The following ARFGEF3 variants were observed in gnomAD, a reference collection of about 807,000 sequenced individuals.
ARFGEF3 encodes ARFGEF family member 3.
A neutral mutation model predicts 221.7 loss-of-function variants in ARFGEF3; 96 were observed. The ratio of observed to expected loss-of-function variants is 0.43; its 90% confidence interval spans 0.37 to 0.51. ARFGEF3 has a LOEUF of 0.51. Ranked by LOEUF, ARFGEF3 falls within the 20% of genes least tolerant of loss-of-function variation. ARFGEF3 has a pLI of 0.00. For synonymous variants in ARFGEF3, 1,145 were observed against 1,126.8 expected (o/e 1.02, Z -0.32); for missense variants, 2,410 against 2,789.9 (o/e 0.86, Z 3.07).
At chr6:138,292,973 A>G (rs1779440039) in intron 19 of ARFGEF3, among the ~76,000 whole-genome samples, 1 of 152,262 alleles carries the variant, frequency 6.6e-6, no homozygotes, top group Non-Finnish European at 1.5e-5. Flanking sequence ...AATGGTCAAT[A>G]GGACCCAGAA....
At chr6:138,269,175 C>T (rs138541619) in intron 12 of ARFGEF3, among the ~76,000 whole-genome samples, 154 of 152,354 alleles carry the variant, frequency 1.0e-3, no homozygotes, top group African/African-American at 3.5e-3. Flanking sequence ...TACTACCAGG[C>T]GGTGGGCAGC....
chr6:138,179,174 C>G (rs1162618545), intron 2 of ARFGEF3, among the ~76,000 whole-genome samples: 1 of 152,228 alleles, frequency 6.6e-6, no homozygotes, highest in African/African-American at 2.4e-5. Flanking sequence ...CACTCCTATC[C>G]TGTCCCAATT....
intron 33 of ARFGEF3, 125 bp from the exon 34 acceptor site, chr6:138,336,170 T>A: frequency 6.0e-6 from 4 of 661,158 alleles, no homozygotes; most frequent in Non-Finnish European, 7.3e-6. Flanking sequence ...ATTAAATGAG[T>A]GAAAACTAAT....
chr6:138,272,142 C>CATTTGTTTATTTATTT (rs1779013974), intron 12 of ARFGEF3, among the ~76,000 whole-genome samples: 2 of 148,758 alleles, frequency 1.3e-5, no homozygotes, highest in African/African-American at 5.0e-5. Flanking sequence ...TAGCAGATGC[C>CATTTGTTTATTTATTT]ATTTATTTAT....
At chr6:138,287,323 T>C (rs1779316641) in intron 17 of ARFGEF3, 139 bp downstream of exon 17, 2 of 649,790 alleles carry the variant, frequency 3.1e-6, no homozygotes, top group East Asian at 2.8e-5. Flanking sequence ...GATCACGAGA[T>C]CCCATTGAGC....
chr6:138,248,272 A>G (rs1166708678), intron 8 of ARFGEF3, among the ~76,000 whole-genome samples: 1 of 152,144 alleles, frequency 6.6e-6, no homozygotes, highest in African/African-American at 2.4e-5. Flanking sequence ...AGTCATGGTG[A>G]GTCCTCATCT....
intron 2 of ARFGEF3, 71 bp from the exon 3 acceptor site, chr6:138,206,971 C>T (rs1777635177): frequency 8.2e-7 from 1 of 1,226,680 alleles, no homozygotes; most frequent in South Asian, 1.3e-5. Flanking sequence ...GGTGGGTGTA[C>T]ATAAGGCTTA....
Position 138,307,472 on chromosome 6 carries a change from A to AT in ARFGEF3, c.3973+75_3973+76insT. 8 of 1,179,272 alleles carry AT rather than the reference A, an allele frequency of 6.8e-6. No homozygotes were observed. In the South Asian group the frequency reaches 1.1e-4, roughly 16 times the overall value. The allele number at this position is 1,179,272 out of a possible 1,614,324, so 73.1% of individuals were successfully genotyped here. On this transcript the variant is annotated intron_variant, in intron 23 of 33. Transcript: ENST00000251691. Reference sequence around the variant, plus strand: ...AAGTTTCATGCTATTAAAAAAAAAAAATTGAACAATAGGGAAGACAGATTG... The same window carrying AT: ...AAGTTTCATGCTATTAAAAAAAAAAATATTGAACAATAGGGAAGACAGATTG...
intron 18 of ARFGEF3, among the ~76,000 whole-genome samples, chr6:138,290,910 C>T (rs546605763): frequency 1.3e-5 from 2 of 152,204 alleles, no homozygotes; most frequent in East Asian, 3.9e-4. Context: ...ACCTGCTGCT[C>T]TTTATTGCTC....
chr6:138,200,040 G>T (rs1777504041), intron 2 of ARFGEF3, among the ~76,000 whole-genome samples: 2 of 152,098 alleles, frequency 1.3e-5, no homozygotes, highest in South Asian at 4.1e-4. Flanking sequence ...ATTACATTAA[G>T]GTATGTCCCC....
chr6:138,202,306 C>G (rs1042482971), intron 2 of ARFGEF3, among the ~76,000 whole-genome samples: 1 of 152,056 alleles, frequency 6.6e-6, no homozygotes, highest in Non-Finnish European at 1.5e-5. Flanking sequence ...GTTGCATTTT[C>G]ATTATAAATT....
intron 12 of ARFGEF3, among the ~76,000 whole-genome samples, chr6:138,268,806 G>A (rs1778942260): frequency 6.6e-6 from 1 of 152,184 alleles, no homozygotes; most frequent in Non-Finnish European, 1.5e-5. Context: ...GACTTACTTT[G>A]ACCAAATGTA....
chr6:138,323,579 C>T (rs1780073059), intron 29 of ARFGEF3, 92 bp from the exon 30 acceptor site: 1 of 1,173,048 alleles, frequency 8.5e-7, no homozygotes, highest in Non-Finnish European at 1.2e-6. Context: ...CCAGTGCACT[C>T]CAGGCTGGGC....
At chr6:138,220,507 G>T (rs999024091) in intron 4 of ARFGEF3, among the ~76,000 whole-genome samples, 3 of 152,142 alleles carry the variant, frequency 2.0e-5, no homozygotes, top group African/African-American at 7.2e-5. Context: ...TCTGTAGGCT[G>T]CCCTAAGCAA....
intron 8 of ARFGEF3, among the ~76,000 whole-genome samples, chr6:138,245,944 G>A (rs181767550): frequency 3.2e-4 from 48 of 152,222 alleles, no homozygotes; most frequent in Non-Finnish European, 6.2e-4. Flanking sequence ...GCTGTGTCCC[G>A]GTGCCTGACT....
intron 28 of ARFGEF3, among the ~76,000 whole-genome samples, chr6:138,320,696 T>A (rs1460558256): frequency 6.6e-6 from 1 of 152,102 alleles, no homozygotes; most frequent in Admixed American, 6.5e-5. Flanking sequence ...CAATTTACCC[T>A]GCCAAAAAAG....
rs1780336328 is a variant in ARFGEF3 at position 138,336,864 on chromosome 6, AT to A, written c.*379del. ...ATCCATTTGATCCATCATTTAAAAA[AT>A]AAATACAATTCCTAAGGCAATATCT... On this transcript the variant is annotated 3_prime_UTR_variant, in exon 34 of 34. Transcript: ENST00000251691. 1 of 155,202 alleles carries A rather than the reference AT, an allele frequency of 6.4e-6. No homozygotes were observed. The highest frequency in any genetic ancestry group is 6.5e-5 in the Admixed American group (1 of 15,346). 9.6% of individuals were successfully genotyped at this position (155,202 alleles called of 1,614,324 possible).
chr6:138,323,672 T>C lies in ARFGEF3; in HGVS notation c.4768T>C (p.Tyr1590His), dbSNP rs1374796838. The C allele has an allele frequency of 1.2e-6, 2 of 1,613,362 alleles. No homozygotes were observed. Among genetic ancestry groups the C allele is most frequent in the Admixed American group, 1.7e-5 (1 of 59,962 alleles). ...ISRVGCSCIR[Y>H]VLVTAGPVFT... is the part of the protein sequence containing the mutation. The stretch of plus-strand genomic sequence containing the variant: ...TCCTTTACTTGTTTCTTTTGGCAGA[T>C]ACGTCCTTGTGACAGCGGGCCCTGT... The change falls in exon 30 of 34, where the codon TAC (tyrosine) becomes CAC (histidine). Residue 1590 changes from tyrosine to histidine, a missense_variant and splice_region_variant. Tyr to His is a moderately conservative substitution (Grantham distance 83, BLOSUM62 2). This residue lies in a region of ARFGEF3 where 723 missense variants were observed against 991.9 expected (regional missense o/e 0.73). Coordinates refer to ENST00000251691, the MANE Select transcript of ARFGEF3 (RefSeq NM_020340.5).
chr6:138,312,176 C>T (rs1367700321), intron 25 of ARFGEF3, among the ~76,000 whole-genome samples: 2 of 151,928 alleles, frequency 1.3e-5, no homozygotes, highest in Non-Finnish European at 2.9e-5. Flanking sequence ...TTTTTTTAAT[C>T]TAGTAAAGAG....
Sources: gnomAD v4.1 joint callset for allele counts (sites outside exome capture counted in the v4.1 genomes callset) on GRCh38, gnomAD v4.1.1 for gene constraint, gnomAD v4.1.1 regional missense constraint, MANE v1.5 for transcripts, NCBI Gene and HGNC (gene_info 2026-07-23, HGNC 2026-07-21) for gene names.